The following MAP2K4 variants were observed in gnomAD, a reference collection of about 807,000 sequenced individuals.
The protein encoded by MAP2K4 is mitogen-activated protein kinase kinase 4.
Under a neutral mutation model 48.5 loss-of-function variants are expected in MAP2K4, and 4 were observed. The observed-to-expected ratio is 0.08, with a 90% CI of 0.04 to 0.19. MAP2K4 has a LOEUF of 0.19. Among genes scored for constraint, MAP2K4 ranks in the 10% least tolerant of loss-of-function variants. MAP2K4 has a pLI of 1.00. For missense variants in MAP2K4, 258 were observed against 493.3 expected (o/e 0.52, Z 4.52); for synonymous variants, 166 against 173.1 (o/e 0.96, Z 0.32).
Position 12,141,323 on chromosome 17 carries a change from C to A in MAP2K4, c.*63C>A. 1 of 1,120,298 alleles carries A rather than the reference C, an allele frequency of 8.9e-7. No homozygotes were observed. 69.4% of individuals were successfully genotyped at this position (1,120,298 alleles called of 1,614,324 possible). On this transcript the variant is annotated 3_prime_UTR_variant, in exon 11 of 11. Transcript: ENST00000353533. ...GAGGAAGCAAGACGTAAAGAATTTT[C>A]ATCCCGTATCACAGTGTTTTTATTG...
intron 4 of MAP2K4, among the ~76,000 whole-genome samples, chr17:12,099,664 C>T (rs1340749010): frequency 1.3e-5 from 2 of 152,136 alleles, no homozygotes; most frequent in Non-Finnish European, 2.9e-5. Flanking sequence ...CTCAGTTGCA[C>T]AGGTTCCTAA....
At chr17:12,037,080 T>A (rs940648451) in intron 1 of MAP2K4, among the ~76,000 whole-genome samples, 17 of 152,120 alleles carry the variant, frequency 1.1e-4, no homozygotes, top group African/African-American at 4.1e-4. Context: ...AACAGGATAT[T>A]TATTTAGAAG....
intron 2 of MAP2K4, among the ~76,000 whole-genome samples, chr17:12,063,820 A>C (rs1970525877): frequency 6.6e-6 from 1 of 151,718 alleles, no homozygotes; most frequent in South Asian, 2.1e-4. Flanking sequence ...TAAAAATACA[A>C]AATTAGCTGG....
intron 1 of MAP2K4, among the ~76,000 whole-genome samples, chr17:12,031,913 C>T (rs1969450398): frequency 6.6e-6 from 1 of 152,108 alleles, no homozygotes; most frequent in African/African-American, 2.4e-5. Flanking sequence ...GTAACTCATT[C>T]TGTATTTGTA....
At chr17:12,046,343 T>C (rs944748265) in intron 1 of MAP2K4, among the ~76,000 whole-genome samples, 4 of 152,166 alleles carry the variant, frequency 2.6e-5, no homozygotes, top group African/African-American at 9.7e-5. Context: ...GGGGGTTATT[T>C]CGGATAAGCT....
chr17:12,101,690 T>G (rs755549140), intron 4 of MAP2K4, among the ~76,000 whole-genome samples: 10 of 152,152 alleles, frequency 6.6e-5, no homozygotes, highest in Non-Finnish European at 1.2e-4. Context: ...TTTTACATCT[T>G]CTTTAATTTT....
Position 12,025,364 on chromosome 17 carries a change from A to G in MAP2K4, c.115+4363A>G, listed in dbSNP as rs530270602. On this transcript the variant is annotated intron_variant, in intron 1 of 10. Coordinates refer to ENST00000353533, the MANE Select transcript of MAP2K4 (RefSeq NM_003010.4). ...GTGCTTTGAAAATTATAGAATATCT[A>G]TAAGTATATACAGATTGTTATTAGA... 5.3e-5 allele frequency among the ~76,000 whole-genome samples: 8 copies of G among 152,322 alleles called. No individual in the cohort carries two copies. In the South Asian group the frequency reaches 8.3e-4, roughly 16 times the overall value.
At chr17:12,052,528 C>T (rs28918106) in intron 1 of MAP2K4, among the ~76,000 whole-genome samples, 54 of 152,116 alleles carry the variant, frequency 3.5e-4, no homozygotes, top group African/African-American at 1.2e-3. Context: ...AGCTACTATT[C>T]CGTCAAATTG....
Position 12,076,388 on chromosome 17 carries a change from A to G in MAP2K4, c.219-4968A>G, listed in dbSNP as rs73300456. On this transcript the variant is annotated intron_variant, in intron 2 of 10. Coordinates refer to ENST00000353533, the MANE Select transcript of MAP2K4 (RefSeq NM_003010.4). ...ATTAGTCTGGGTCAATGAAGGGACAACAACTAAAATACAGTAGTGTTAATT... is the reference window on the plus strand; with the variant it reads ...ATTAGTCTGGGTCAATGAAGGGACAGCAACTAAAATACAGTAGTGTTAATT... Among the ~76,000 whole-genome samples, 1,089 of 151,912 alleles carry G rather than the reference A, an allele frequency of 7.2e-3. 9 individuals carry two copies. The highest frequency in any genetic ancestry group is 0.025 in the African/African-American group (1,055 of 41,412).
Position 12,143,496 on chromosome 17 carries a change from C to T in MAP2K4, c.*2236C>T, listed in dbSNP as rs1319914134. The T allele has an allele frequency of 4.3e-6, 1 of 231,574 alleles. No homozygotes were observed. Among genetic ancestry groups the T allele is most frequent in the Non-Finnish European group, 8.6e-6 (1 of 116,914 alleles). The allele number at this position is 231,574 out of a possible 1,614,324, so 14.3% of individuals were successfully genotyped here. ...AGCTCTGGTTATTTTTCTCTTGTAC[C>T]ATAGAAAAATGTATAAAAATTATCA... On this transcript the variant is annotated 3_prime_UTR_variant, in exon 11 of 11. Coordinates refer to ENST00000353533, the MANE Select transcript of MAP2K4 (RefSeq NM_003010.4).
At position 12,045,125 on chromosome 17, in the gene MAP2K4, T is replaced by G. The variant is rs531621942; in HGVS notation, c.116-9764T>G. 3.3e-5 allele frequency among the ~76,000 whole-genome samples: 5 copies of G among 152,346 alleles called. No individual in the cohort carries two copies. In the East Asian group the frequency reaches 9.6e-4, roughly 29 times the overall value. On this transcript the variant is annotated intron_variant, in intron 1 of 10. Transcript: ENST00000353533. ...GTGGCCTGGGGCCACTCACTAGAGCTCTGTGTCATTGTCCTTGAGTCAAGA... is the reference window on the plus strand; with the variant it reads ...GTGGCCTGGGGCCACTCACTAGAGCGCTGTGTCATTGTCCTTGAGTCAAGA...
chr17:12,119,128 ATGT>A (rs1972592768), intron 7 of MAP2K4, among the ~76,000 whole-genome samples: 1 of 152,226 alleles, frequency 6.6e-6, no homozygotes, highest in Non-Finnish European at 1.5e-5. Flanking sequence ...AATGAGGATG[ATGT>A]TAACAACGAG....
At position 12,139,995 on chromosome 17, in the gene MAP2K4, A is replaced by C. The variant is rs3213684; in HGVS notation, c.1086+111A>C. 5.5e-3 allele frequency: 3,400 copies of C among 620,064 alleles called. 18 individuals are homozygous for C. Among genetic ancestry groups the C allele is most frequent in the East Asian group, 0.029 (948 of 32,836 alleles). 38.4% of individuals were successfully genotyped at this position (620,064 alleles called of 1,614,324 possible). The stretch of plus-strand genomic sequence containing the variant: ...TCTCTGTCATAAACAAACATCTCAA[A>C]TTTATTGAGTGTTTTTTGTTAATGT... On this transcript the variant is annotated intron_variant, in intron 10 of 10. Coordinates refer to ENST00000353533, the MANE Select transcript of MAP2K4 (RefSeq NM_003010.4).
chr17:12,076,490 C>CT (rs1971014386), intron 2 of MAP2K4, among the ~76,000 whole-genome samples: 1 of 152,160 alleles, frequency 6.6e-6, no homozygotes, highest in South Asian at 2.1e-4. Context: ...AAGGACTTCA[C>CT]TGCAAACATG....
chr17:12,092,475 T>C (rs955810999), intron 3 of MAP2K4, among the ~76,000 whole-genome samples: 2 of 152,212 alleles, frequency 1.3e-5, no homozygotes, highest in Non-Finnish European at 2.9e-5. Flanking sequence ...GATATTGTTT[T>C]GATGGTTCAT....
At chr17:12,131,234 C>CTTT (rs11307653) in intron 9 of MAP2K4, among the ~76,000 whole-genome samples, 13 of 130,944 alleles carry the variant, frequency 9.9e-5, no homozygotes, top group Admixed American at 1.6e-4. Context: ...GGTCACATTT[C>CTTT]TTTTTTTTTT....
chr17:12,141,049 T>C (rs1008210636), intron 10 of MAP2K4, 98 bp from the exon 11 acceptor site: 4 of 727,892 alleles, frequency 5.5e-6, no homozygotes, highest in Non-Finnish European at 9.9e-6. Flanking sequence ...CTATGTGTGG[T>C]TGGGAGCCTG....
intron 3 of MAP2K4, among the ~76,000 whole-genome samples, chr17:12,082,336 G>A (rs542657147): frequency 2.6e-5 from 4 of 152,096 alleles, no homozygotes; most frequent in Non-Finnish European, 5.9e-5. Flanking sequence ...TCAGCAACAG[G>A]GGGAACAACT....
intron 9 of MAP2K4, among the ~76,000 whole-genome samples, chr17:12,137,556 T>C (rs1000603055): frequency 6.6e-5 from 10 of 152,162 alleles, no homozygotes; most frequent in African/African-American, 1.2e-4. Flanking sequence ...AAATAGGAGC[T>C]GAGACGTTCC....
Sources: allele counts gnomAD v4.1 joint callset (sites outside exome capture counted in the v4.1 genomes callset), GRCh38; gene constraint gnomAD v4.1.1; transcripts MANE v1.5; gene names NCBI Gene and HGNC (gene_info 2026-07-23, HGNC 2026-07-21).